Variants in MNAT1 observed in about 807,000 individuals in gnomAD.
The protein encoded by MNAT1 is CDK-activating kinase assembly factor MAT1.
A neutral mutation model predicts 42.0 loss-of-function variants in MNAT1; 43 were observed. The observed-to-expected ratio is 1.02, with a 90% CI of 0.80 to 1.32. The LOEUF is 1.32. Ranked by LOEUF, MNAT1 falls within the 40% of genes most tolerant of loss-of-function variation. The pLI is 0.00. For missense variants in MNAT1, 306 were observed against 350.4 expected (o/e 0.87, Z 1.01); for synonymous variants, 118 against 120.0 (o/e 0.98, Z 0.11).
At chr14:60,894,399 GT>G (rs1041015137) in intron 7 of MNAT1, among the ~76,000 whole-genome samples, 4 of 151,846 alleles carry the variant, frequency 2.6e-5, no homozygotes, top group African/African-American at 9.7e-5. Flanking sequence ...TATGGTGGTG[GT>G]ACTTCTTAGA....
At position 60,824,109 on chromosome 14, in the gene MNAT1, C is replaced by T. The variant is rs374295180; in HGVS notation, c.687+5262C>T. On this transcript the variant is annotated intron_variant, in intron 6 of 7. Transcript: ENST00000261245. ...GCGGCAGAGGTTGCAGTAAGCTGAGCTCAAGCCACAGCACTCCAGCCTGGG... is the reference window on the plus strand; with the variant it reads ...GCGGCAGAGGTTGCAGTAAGCTGAGTTCAAGCCACAGCACTCCAGCCTGGG... Among the ~76,000 whole-genome samples the T allele has an allele frequency of 5.9e-5, 9 of 151,962 alleles. No homozygotes were observed. The East Asian group carries it at 1.4e-3, about 23-fold the overall frequency.
intron 7 of MNAT1, among the ~76,000 whole-genome samples, chr14:60,903,607 G>C (rs371565017): frequency 7.9e-5 from 12 of 152,192 alleles, no homozygotes; most frequent in Admixed American, 5.2e-4. Context: ...CCACGATATA[G>C]AATATTTGTA....
At chr14:60,900,098 C>T (rs1175053258) in intron 7 of MNAT1, among the ~76,000 whole-genome samples, 2 of 144,732 alleles carry the variant, frequency 1.4e-5, no homozygotes, top group East Asian at 4.0e-4. Context: ...TTGGACTTCC[C>T]TATTCCCTGA....
chr14:60,767,199 A>G (rs188787017), intron 1 of MNAT1, among the ~76,000 whole-genome samples: 2 of 152,210 alleles, frequency 1.3e-5, no homozygotes, highest in Non-Finnish European at 2.9e-5. Flanking sequence ...TCTGGAAGGC[A>G]AAGTGGAGGA....
chr14:60,847,590 C>T (rs941012571), intron 6 of MNAT1, among the ~76,000 whole-genome samples: 27 of 152,060 alleles, frequency 1.8e-4, no homozygotes, highest in African/African-American at 4.8e-4. Flanking sequence ...AAGCTATTTA[C>T]GTTTAATGTT....
chr14:60,946,855 A>T (rs1223281183), intron 7 of MNAT1, among the ~76,000 whole-genome samples: 2 of 152,230 alleles, frequency 1.3e-5, no homozygotes, highest in African/African-American at 4.8e-5. Flanking sequence ...CCACACACTC[A>T]GTGGCTTAAA....
At chr14:60,802,879 C>T (rs945218866) in intron 3 of MNAT1, among the ~76,000 whole-genome samples, 4 of 151,394 alleles carry the variant, frequency 2.6e-5, no homozygotes, top group African/African-American at 7.3e-5. Context: ...TAGAGTGTGG[C>T]TCCACCACTT....
chr14:60,856,283 G>A (rs2033956940), intron 6 of MNAT1, among the ~76,000 whole-genome samples: 1 of 152,196 alleles, frequency 6.6e-6, no homozygotes, highest in African/African-American at 2.4e-5. Context: ...TTGTTCATAT[G>A]GAGAAAGTTT....
intron 7 of MNAT1, among the ~76,000 whole-genome samples, chr14:60,927,145 G>T (rs4151358): frequency 5.5e-4 from 84 of 152,264 alleles, no homozygotes; most frequent in East Asian, 5.0e-3. Flanking sequence ...CTTCTGACTT[G>T]ATGTGGGCCT....
chr14:60,888,771 TA>T (rs1273980213), intron 7 of MNAT1, among the ~76,000 whole-genome samples: 1 of 121,688 alleles, frequency 8.2e-6, no homozygotes, highest in East Asian at 2.2e-4. Context: ...AAAATCAAGG[TA>T]CAAAAATCAC....
intron 1 of MNAT1, among the ~76,000 whole-genome samples, chr14:60,756,730 G>A (rs2030370769): frequency 6.6e-6 from 1 of 152,178 alleles, no homozygotes; most frequent in Admixed American, 6.5e-5. Context: ...GCCTAAAGCT[G>A]TGGTCTTTTG....
intron 6 of MNAT1, 103 bp from the exon 7 acceptor site, chr14:60,879,611 A>G (rs904924839): frequency 4.3e-6 from 5 of 1,150,164 alleles, no homozygotes; most frequent in Admixed American, 2.3e-5. Flanking sequence ...AATGGCTAAT[A>G]CTTCTAATGT....
chr14:60,957,400 A>G (rs988839998), intron 7 of MNAT1, among the ~76,000 whole-genome samples: 5 of 152,168 alleles, frequency 3.3e-5, no homozygotes, highest in Admixed American at 3.3e-4. Flanking sequence ...TGAGGAGCAA[A>G]CACATCTTAC....
chr14:60,766,507 A>T (rs911550358), intron 1 of MNAT1, among the ~76,000 whole-genome samples: 1 of 152,020 alleles, frequency 6.6e-6, no homozygotes, highest in Non-Finnish European at 1.5e-5. Flanking sequence ...ACGTCAGGAG[A>T]TCGAGACCAT....
intron 5 of MNAT1, among the ~76,000 whole-genome samples, chr14:60,817,938 T>G (rs2032765046): frequency 6.6e-6 from 1 of 151,732 alleles, no homozygotes; most frequent in Non-Finnish European, 1.5e-5. Context: ...GAGAGATCTC[T>G]TCTTCCTCCT....
At chr14:60,917,807 A>G (rs2035558211) in intron 7 of MNAT1, among the ~76,000 whole-genome samples, 1 of 151,968 alleles carries the variant, frequency 6.6e-6, no homozygotes, top group Admixed American at 6.6e-5. Context: ...TATTTTTAAT[A>G]GAGACGGACG....
chr14:60,741,665 T>TTTTTTG (rs1555371500), intron 1 of MNAT1, among the ~76,000 whole-genome samples: 5 of 145,942 alleles, frequency 3.4e-5, no homozygotes, highest in South Asian at 4.4e-4. Context: ...GGGGTTTTTT[T>TTTTTTG]TTTTTTTTTT....
intron 1 of MNAT1, among the ~76,000 whole-genome samples, chr14:60,755,925 G>A (rs187347740): frequency 6.6e-6 from 1 of 152,300 alleles, no homozygotes; most frequent in East Asian, 1.9e-4. Context: ...GTCACTGAGA[G>A]GAGAGGCTGG....
At chr14:60,863,670 A>G (rs2034145832) in intron 6 of MNAT1, among the ~76,000 whole-genome samples, 1 of 152,112 alleles carries the variant, frequency 6.6e-6, no homozygotes, top group Non-Finnish European at 1.5e-5. Context: ...CACAAATGTG[A>G]TAGTCTGTGT....
Sources: gnomAD v4.1 joint callset for allele counts (sites outside exome capture counted in the v4.1 genomes callset) on GRCh38, gnomAD v4.1.1 for gene constraint, MANE v1.5 for transcripts, NCBI Gene and HGNC (gene_info 2026-07-23, HGNC 2026-07-21) for gene names.